CDH12: variants seen among roughly 807,000 people sequenced by gnomAD.
CDH12 encodes cadherin 12, also known as cadherin-12.
In CDH12, 41 loss-of-function variants were observed where a neutral mutation model predicts 74.1. The observed-to-expected ratio is 0.55, with a 90% CI of 0.43 to 0.72. The LOEUF (loss-of-function observed/expected upper bound fraction) is 0.72. Among genes scored for constraint, CDH12 ranks in the 30% least tolerant of loss-of-function variants. The probability of loss-of-function intolerance (pLI) is 0.00; values close to 1 mark genes in which losing one functional copy is unlikely to be tolerated. For missense variants in CDH12, 945 were observed against 977.2 expected (o/e 0.97, Z 0.44); for synonymous variants, 399 against 355.0 (o/e 1.12, Z -1.39).
At chr5:22,050,365 T>C (rs2150193447) in intron 5 of CDH12, among the ~76,000 whole-genome samples, 1 of 152,280 alleles carries the variant, frequency 6.6e-6, no homozygotes, top group African/African-American at 2.4e-5. Context: ...ACATTTTGTA[T>C]CATGCATATA....
intron 6 of CDH12, among the ~76,000 whole-genome samples, chr5:21,927,922 A>T (rs1291860688): frequency 6.6e-6 from 1 of 151,856 alleles, no homozygotes; most frequent in South Asian, 2.1e-4. Context: ...ACAAAAAAAA[A>T]TTAGCTGGGC....
At chr5:22,135,824 T>G (rs1341110370) in intron 4 of CDH12, among the ~76,000 whole-genome samples, 2 of 151,942 alleles carry the variant, frequency 1.3e-5, no homozygotes, top group Non-Finnish European at 2.9e-5. Flanking sequence ...AAAACAGTTG[T>G]GAGGTTACAG....
intron 1 of CDH12, among the ~76,000 whole-genome samples, chr5:22,781,798 G>T (rs1039692016): frequency 6.6e-6 from 1 of 152,138 alleles, no homozygotes; most frequent in Non-Finnish European, 1.5e-5. Flanking sequence ...GGGATTGGAG[G>T]AAATGGTAAA....
intron 3 of CDH12, among the ~76,000 whole-genome samples, chr5:22,385,825 C>A (rs528222986): frequency 4.0e-5 from 6 of 150,748 alleles, no homozygotes; most frequent in Admixed American, 4.0e-4. Flanking sequence ...GAAGGGGAAG[C>A]AGGCACATCT....
intron 1 of CDH12, among the ~76,000 whole-genome samples, chr5:22,720,170 G>T (rs752953303): frequency 1.4e-4 from 21 of 152,128 alleles, no homozygotes; most frequent in Non-Finnish European, 2.5e-4. Context: ...GGAGGGACCC[G>T]GTGGGAGGTG....
intron 4 of CDH12, among the ~76,000 whole-genome samples, chr5:22,097,218 G>A (rs1743834394): frequency 6.6e-6 from 1 of 152,096 alleles, no homozygotes; most frequent in South Asian, 2.1e-4. Context: ...AAATCAGACT[G>A]TTCAACTCAC....
intron 4 of CDH12, among the ~76,000 whole-genome samples, chr5:22,186,411 T>C (rs1749949942): frequency 6.6e-6 from 1 of 152,212 alleles, no homozygotes; most frequent in South Asian, 2.1e-4. Context: ...GAAAATCTAT[T>C]CACATTTTGT....
chr5:22,333,108 C>A (rs149886735), intron 3 of CDH12, among the ~76,000 whole-genome samples: 39 of 152,216 alleles, frequency 2.6e-4, no homozygotes, highest in Middle Eastern at 3.4e-3. Flanking sequence ...AAATGTGGTA[C>A]ACATACACCA....
chr5:22,164,353 A>G (rs1748548482), intron 4 of CDH12, among the ~76,000 whole-genome samples: 1 of 152,174 alleles, frequency 6.6e-6, no homozygotes, highest in Non-Finnish European at 1.5e-5. Context: ...GAACCCAGGC[A>G]CTTAGCTGTG....
At chr5:22,319,864 A>G (rs1410080395) in intron 3 of CDH12, among the ~76,000 whole-genome samples, 1 of 151,482 alleles carries the variant, frequency 6.6e-6, no homozygotes, top group Admixed American at 6.6e-5. Context: ...GGGAGAGAGG[A>G]AGAGAGAGAG....
At chr5:22,170,821 C>T (rs1397890659) in intron 4 of CDH12, among the ~76,000 whole-genome samples, 1 of 151,666 alleles carries the variant, frequency 6.6e-6, no homozygotes. Context: ...TTTCTAACTT[C>T]CAATTAGATT....
chr5:22,575,909 T>C (rs977790469), intron 1 of CDH12, among the ~76,000 whole-genome samples: 19 of 151,866 alleles, frequency 1.3e-4, no homozygotes, highest in Admixed American at 1.1e-3. Flanking sequence ...TGTTTATTTA[T>C]TTTTATCAGT....
intron 1 of CDH12, chr5:22,580,698 C>T: frequency 2.7e-6 from 1 of 375,508 alleles, no homozygotes; most frequent in South Asian, 2.5e-5. Flanking sequence ...TTTTAACATT[C>T]CCTGTGTTTG....
chr5:22,510,415 G>A (rs1438778264), intron 1 of CDH12, among the ~76,000 whole-genome samples: 1 of 152,106 alleles, frequency 6.6e-6, no homozygotes, highest in African/African-American at 2.4e-5. Flanking sequence ...GAGTCTAAAT[G>A]ATACATATAA....
intron 1 of CDH12, chr5:22,580,757 T>C (rs1740048125): frequency 3.3e-6 from 1 of 300,356 alleles, no homozygotes; most frequent in African/African-American, 2.1e-5. Flanking sequence ...TCTCCTTTAT[T>C]GGATAGCATC....
At chr5:22,505,134 G>T (rs1736331425) in intron 2 of CDH12, 136 bp downstream of exon 2, 1 of 162,562 alleles carries the variant, frequency 6.2e-6, no homozygotes, top group East Asian at 1.9e-4. Context: ...TCAACTCCTT[G>T]TAAATATACA....
intron 14 of CDH12, among the ~76,000 whole-genome samples, chr5:21,753,333 C>G (rs911454147): frequency 2.0e-5 from 3 of 152,082 alleles, no homozygotes; most frequent in African/African-American, 7.2e-5. Flanking sequence ...GTACAGTGGG[C>G]CTTGGGAGAC....
At chr5:22,078,976 A>C in intron 4 of CDH12, 114 bp from the exon 5 acceptor site, 1 of 343,928 alleles carries the variant, frequency 2.9e-6, no homozygotes, top group South Asian at 9.2e-5. Flanking sequence ...AAGACTATAA[A>C]AGAATTATAT....
chr5:22,531,280 G>A (rs907596098), intron 1 of CDH12, among the ~76,000 whole-genome samples: 1 of 152,020 alleles, frequency 6.6e-6, no homozygotes, highest in Non-Finnish European at 1.5e-5. Flanking sequence ...GGAGATTAGA[G>A]TTTTCACAGA....
Sources: gnomAD v4.1 joint callset for allele counts (sites outside exome capture counted in the v4.1 genomes callset) on GRCh38, gnomAD v4.1.1 for gene constraint, MANE v1.5 for transcripts, NCBI Gene and HGNC (gene_info 2026-07-23, HGNC 2026-07-21) for gene names.